Variants in DLG2 observed in about 807,000 individuals in gnomAD.
DLG2 encodes disks large homolog 2.
A neutral mutation model predicts 132.5 loss-of-function variants in DLG2; 45 were observed. The ratio of observed to expected loss-of-function variants is 0.34; its 90% CI spans 0.27 to 0.44. The LOEUF is 0.44. DLG2 is among the 20% of genes least tolerant of loss of function. The pLI is 1.00. For missense variants in DLG2, 1,045 were observed against 1,196.9 expected, an observed-to-expected ratio of 0.87 and a Z score of 1.87; for synonymous variants, 424 against 419.6, an observed-to-expected ratio of 1.01 and a Z score of -0.13.
intron 7 of DLG2, among the ~76,000 whole-genome samples, chr11:84,415,519 G>A (rs534102026): frequency 2.6e-5 from 4 of 151,922 alleles, no homozygotes; most frequent in Admixed American, 6.6e-5. Context: ...AGATTATGCC[G>A]CTAGATGAAA....
At position 83,500,679 on chromosome 11, in the gene DLG2, TTATAA is replaced by T. The variant is rs538130081; in HGVS notation, c.2194-16456_2194-16452del. Among the ~76,000 whole-genome samples, 18 of 152,212 alleles carry T rather than the reference TTATAA, an allele frequency of 1.2e-4. No homozygotes were observed. The East Asian group carries it at 3.3e-3, about 28-fold the overall frequency. On this transcript the variant is annotated intron_variant, in intron 21 of 27. Transcript: ENST00000376104. ...TTATTTATTTTATTTACTAATTAAGTTATAATTATTATTCCTTTATTAATAAATTT... is the reference window on the plus strand; with the variant it reads ...TTATTTATTTTATTTACTAATTAAGTTTATTATTCCTTTATTAATAAATTT...
intron 9 of DLG2, among the ~76,000 whole-genome samples, chr11:84,117,714 C>A (rs2093701852): frequency 1.3e-5 from 2 of 152,022 alleles, no homozygotes; most frequent in Admixed American, 6.5e-5. Flanking sequence ...GAGAAAAAAA[C>A]TATGTTAATG....
At position 84,836,183 on chromosome 11, in the gene DLG2, G is replaced by C. The variant is rs751202735; in HGVS notation, c.357+275478C>G. Among the ~76,000 whole-genome samples the C allele has an allele frequency of 4.9e-4, 74 of 151,862 alleles. No individual in the cohort carries two copies. The Middle Eastern group carries it at 0.01, about 21-fold the overall frequency. On this transcript the variant is annotated intron_variant, in intron 6 of 27. Coordinates refer to ENST00000376104, the MANE Select transcript of DLG2 (RefSeq NM_001142699.3). ...AGAATTGGTAATTAATTGTACAATA[G>C]GGTCTGAAAATACAAGCTGGTATAA...
chr11:85,520,271 T>C (rs1216814097), intron 3 of DLG2, among the ~76,000 whole-genome samples: 2 of 151,930 alleles, frequency 1.3e-5, no homozygotes, highest in African/African-American at 4.8e-5. Context: ...TAATGAAATA[T>C]CTAGGAATAC....
At chr11:84,451,110 G>C (rs117068162) in intron 7 of DLG2, among the ~76,000 whole-genome samples, 4,028 of 151,934 alleles carry the variant, frequency 0.027, 65 homozygotes, top group Middle Eastern at 0.071. Flanking sequence ...CAGCTAAAGA[G>C]TTGAGCCCAG....
chr11:83,872,812 G>T (rs1031393811), intron 16 of DLG2, among the ~76,000 whole-genome samples: 5 of 152,178 alleles, frequency 3.3e-5, no homozygotes, highest in Non-Finnish European at 7.3e-5. Context: ...GCCACCCTGA[G>T]CCCTGCCAAG....
At chr11:84,258,938 T>C (rs531258243) in intron 7 of DLG2, among the ~76,000 whole-genome samples, 5 of 152,196 alleles carry the variant, frequency 3.3e-5, no homozygotes, top group Non-Finnish European at 7.3e-5. Context: ...CAGTGCTATT[T>C]TCCAGTTAAC....
intron 6 of DLG2, among the ~76,000 whole-genome samples, chr11:85,006,538 T>C (rs1465284484): frequency 6.6e-6 from 1 of 152,196 alleles, no homozygotes; most frequent in African/African-American, 2.4e-5. Context: ...TATTCTCTGA[T>C]GGTAGTTTGC....
chr11:85,583,066 A>T (rs2078669882), intron 3 of DLG2, among the ~76,000 whole-genome samples: 1 of 136,622 alleles, frequency 7.3e-6, no homozygotes, highest in African/African-American at 2.7e-5. Context: ...AAATATATAT[A>T]TATATATATA....
At chr11:83,940,499 G>A (rs1008425195) in intron 14 of DLG2, among the ~76,000 whole-genome samples, 1 of 152,142 alleles carries the variant, frequency 6.6e-6, no homozygotes, top group Admixed American at 6.5e-5. Context: ...GCAAAGGTTG[G>A]CATTAACCTG....
intron 8 of DLG2, among the ~76,000 whole-genome samples, chr11:84,215,181 G>GA (rs750433628): frequency 2.1e-4 from 32 of 152,250 alleles, no homozygotes; most frequent in Non-Finnish European, 4.4e-4. Flanking sequence ...ACACGTCAAA[G>GA]CTTATTTTTT....
intron 9 of DLG2, among the ~76,000 whole-genome samples, chr11:84,126,896 C>T (rs906190657): frequency 1.3e-5 from 2 of 152,118 alleles, no homozygotes; most frequent in African/African-American, 4.8e-5. Flanking sequence ...ATGTTGGGCA[C>T]ATGATGGGAC....
At chr11:85,367,043 C>T (rs2084613114) in intron 3 of DLG2, among the ~76,000 whole-genome samples, 1 of 152,100 alleles carries the variant, frequency 6.6e-6, no homozygotes, top group Non-Finnish European at 1.5e-5. Context: ...TACTTCAACA[C>T]CTTGTTACTG....
chr11:84,456,254 A>T (rs2099065042), intron 7 of DLG2, among the ~76,000 whole-genome samples: 2 of 151,316 alleles, frequency 1.3e-5, no homozygotes, highest in Non-Finnish European at 3.0e-5. Context: ...CTATGCAAGG[A>T]AGTAATGCCT....
intron 8 of DLG2, among the ~76,000 whole-genome samples, chr11:84,174,991 A>G (rs2095918006): frequency 6.6e-6 from 1 of 152,162 alleles, no homozygotes; most frequent in South Asian, 2.1e-4. Context: ...CAATTTTTTC[A>G]AGGTTATGCT....
intron 8 of DLG2, among the ~76,000 whole-genome samples, chr11:84,218,303 GAA>G (rs1435927390): frequency 7.2e-6 from 1 of 138,950 alleles, no homozygotes; most frequent in Admixed American, 7.4e-5. Context: ...GAAAGAGAAA[GAA>G]AGAGAGAGAG....
chr11:85,427,020 C>T (rs762387593), intron 3 of DLG2, among the ~76,000 whole-genome samples: 1 of 151,846 alleles, frequency 6.6e-6, no homozygotes, highest in African/African-American at 2.4e-5. Context: ...TGTAAGAAAG[C>T]GTATCAGTGA....
At chr11:85,579,513 A>G (rs1590967561) in intron 3 of DLG2, among the ~76,000 whole-genome samples, 4 of 152,228 alleles carry the variant, frequency 2.6e-5, no homozygotes, top group Non-Finnish European at 5.9e-5. Context: ...AGGTATGTCA[A>G]ATGCTCCTGA....
intron 6 of DLG2, among the ~76,000 whole-genome samples, chr11:84,920,172 T>G (rs2092690552): frequency 6.6e-6 from 1 of 152,232 alleles, no homozygotes; most frequent in East Asian, 1.9e-4. Context: ...CTCAGTCAAT[T>G]CAAGCAGCAT....
Sources: gnomAD v4.1 joint callset for allele counts (sites outside exome capture counted in the v4.1 genomes callset) on GRCh38, gnomAD v4.1.1 for gene constraint, MANE v1.5 for transcripts, NCBI Gene and HGNC (gene_info 2026-07-23, HGNC 2026-07-21) for gene names.